GAS6: variants seen among roughly 807,000 people sequenced by gnomAD.
GAS6 encodes growth arrest specific 6.
In GAS6, 41 loss-of-function variants were observed where a neutral mutation model predicts 75.8. The ratio of observed to expected loss-of-function variants is 0.54; its 90% confidence interval spans 0.42 to 0.70. The LOEUF is 0.70. Ranked by LOEUF, GAS6 falls within the 30% of genes least tolerant of loss-of-function variation. The pLI, the probability that GAS6 is intolerant of heterozygous loss-of-function variation, is 0.00. For synonymous variants in GAS6, 432 were observed against 412.6 expected (o/e 1.05, Z -0.57); for missense variants, 854 against 940.2 (o/e 0.91, Z 1.20).
intron 12 of GAS6, among the ~76,000 whole-genome samples, chr13:113,825,606 A>C (rs1029723634): frequency 6.6e-6 from 1 of 152,216 alleles, no homozygotes; most frequent in Non-Finnish European, 1.5e-5. Flanking sequence ...TGCCTGCATA[A>C]GGTTACCCCT....
At chr13:113,859,844 C>T (rs1469354466) in intron 2 of GAS6, among the ~76,000 whole-genome samples, 3 of 152,116 alleles carry the variant, frequency 2.0e-5, no homozygotes, top group Non-Finnish European at 4.4e-5. Context: ...CCACCAGGCG[C>T]CCCCACATTG....
At chr13:113,857,100 G>A (rs1458836379) in intron 2 of GAS6, among the ~76,000 whole-genome samples, 1 of 152,146 alleles carries the variant, frequency 6.6e-6, no homozygotes, top group Non-Finnish European at 1.5e-5. Flanking sequence ...GCAGGTTTGT[G>A]GACAGATGTG....
chr13:113,858,020 C>T (rs1411728447), intron 2 of GAS6, among the ~76,000 whole-genome samples: 3 of 152,256 alleles, frequency 2.0e-5, no homozygotes, highest in African/African-American at 4.8e-5. Flanking sequence ...GGAGGAAAGG[C>T]CTTGGCCACA....
chr13:113,834,387 C>G (rs1443776372), intron 8 of GAS6, among the ~76,000 whole-genome samples, 164 bp downstream of exon 8: 1 of 152,244 alleles, frequency 6.6e-6, no homozygotes, highest in Non-Finnish European at 1.5e-5. Context: ...AAACATCTTC[C>G]AGGGAACAGA....
rs954002222 is a variant in GAS6 at position 113,845,787 on chromosome 13, G to T, written c.343+740C>A. ...CCTGAAATGACTGATGTCATTTCTCGCCTGTTACATTGGAAGAGATCAAAA... is the reference window on the plus strand; with the variant it reads ...CCTGAAATGACTGATGTCATTTCTCTCCTGTTACATTGGAAGAGATCAAAA... On this transcript the variant is annotated intron_variant, in intron 4 of 14. Transcript: ENST00000327773. The surrounding 1 kb of genome is among the most constrained non-coding windows in gnomAD (Gnocchi z 4.3). 6.6e-6 allele frequency: 1 copy of T among 150,458 alleles called. No homozygotes were observed. Among genetic ancestry groups the T allele is most frequent in the Non-Finnish European group, 1.5e-5 (1 of 67,742 alleles). The allele number at this position is 150,458 out of a possible 1,614,324, so 9.3% of individuals were successfully genotyped here. A position where few individuals can be genotyped will look rare whatever the true frequency, so the allele number is the denominator to read the frequency against.
Position 113,837,712 on chromosome 13 carries a change from G to A in GAS6, c.589+357C>T, listed in dbSNP as rs908711093. Reference sequence around the variant, plus strand: ...GATGCTGGGGAGAGTGGACGGCGGGGGGACCCTAGCCTGGAGCCCTGACCC... The same window carrying A: ...GATGCTGGGGAGAGTGGACGGCGGGAGGACCCTAGCCTGGAGCCCTGACCC... On this transcript the variant is annotated intron_variant, in intron 6 of 14. Transcript: ENST00000327773. This position sits in a 1 kb window ranked among gnomAD's most constrained non-coding sequence, Gnocchi z 5.1. 6.6e-6 allele frequency among the ~76,000 whole-genome samples: 1 copy of A among 152,100 alleles called. No individual in the cohort carries two copies. Among genetic ancestry groups the A allele is most frequent in the Non-Finnish European group, 1.5e-5 (1 of 67,998 alleles).
chr13:113,832,425 G>A lies in GAS6; in HGVS notation c.1017C>T (p.Gly339=). ...DPEGILLFAG[G]HQDSTWIVLA... Reference sequence around the variant, plus strand: ...GCACGATCCAGGTGCTGTCCTGGTGGCCTCCGGCAAAGAGGAGGATGCCCT... The same window carrying A: ...GCACGATCCAGGTGCTGTCCTGGTGACCTCCGGCAAAGAGGAGGATGCCCT... The change falls in exon 10 of 15, where the codon GGC becomes GGT. Residue 339 remains glycine, a synonymous_variant. Transcript: ENST00000327773. 2 of 1,610,190 alleles carry A rather than the reference G, an allele frequency of 1.2e-6. No homozygotes were observed. The highest frequency in any genetic ancestry group is 1.7e-6 in the Non-Finnish European group (2 of 1,178,030).
At chr13:113,853,526 T>C (rs1368580614) in intron 2 of GAS6, among the ~76,000 whole-genome samples, 2 of 152,238 alleles carry the variant, frequency 1.3e-5, no homozygotes, top group African/African-American at 2.4e-5. Flanking sequence ...GTGCTAAGAA[T>C]GTATTACTCT....
chr13:113,839,660 G>C, intron 5 of GAS6, 68 bp downstream of exon 5: 1 of 1,579,780 alleles, frequency 6.3e-7, no homozygotes, highest in Non-Finnish European at 8.6e-7. Context: ...GAGTGGGAGT[G>C]AGGAGCGGGG....
chr13:113,821,143 TCTTCTCTAA>T, intron 14 of GAS6, 125 bp from the exon 15 acceptor site: 1 of 1,010,688 alleles, frequency 9.9e-7, no homozygotes. Flanking sequence ...GGTTTCCCTT[TCTTCTCTAA>T]CTTCTCGGTC....
chr13:113,862,248 G>A (rs997839852), intron 2 of GAS6, among the ~76,000 whole-genome samples: 1 of 152,162 alleles, frequency 6.6e-6, no homozygotes, highest in Admixed American at 6.5e-5. Context: ...AGGGCTGCGC[G>A]GAGCGGGTAC....
At chr13:113,852,220 T>A (rs1386382367) in intron 2 of GAS6, among the ~76,000 whole-genome samples, 1 of 152,236 alleles carries the variant, frequency 6.6e-6, no homozygotes, top group African/African-American at 2.4e-5. Context: ...CTACTGTTAG[T>A]GTTAATTTTA....
chr13:113,834,946 G>A (rs759374945), intron 7 of GAS6, among the ~76,000 whole-genome samples: 20 of 152,246 alleles, frequency 1.3e-4, no homozygotes, highest in Admixed American at 6.5e-4. Flanking sequence ...CCCCGCTGCC[G>A]GGCCGGTGTG....
In GAS6 at chr13:113,848,161, G is replaced by A; in HGVS notation, c.256-111C>T. 8.6e-7 allele frequency: 1 copy of A among 1,165,178 alleles called. No individual in the cohort carries two copies. The highest frequency in any genetic ancestry group is 1.2e-6 in the Non-Finnish European group (1 of 801,768). The allele number at this position is 1,165,178 out of a possible 1,614,324, so 72.2% of individuals were successfully genotyped here. ...GAGGCTGCTCTCGGGGCAGCCAGAG[G>A]GCCGCCCCACCCGGGGAACTGAGGG... On this transcript the variant is annotated intron_variant, in intron 2 of 14. Transcript: ENST00000327773. The surrounding 1 kb of genome is among the most constrained non-coding windows in gnomAD (Gnocchi z 4.8).
At chr13:113,843,774 T>G (rs1013568530) in intron 4 of GAS6, 1 of 151,118 alleles carries the variant, frequency 6.6e-6, no homozygotes, top group African/African-American at 2.5e-5. Context: ...GCTGGGGGCC[T>G]GCTTGTCTGG....
chr13:113,862,799 G>A (rs2051982778), intron 2 of GAS6, among the ~76,000 whole-genome samples: 1 of 152,184 alleles, frequency 6.6e-6, no homozygotes, highest in Admixed American at 6.5e-5. Context: ...CCAGCAGAAC[G>A]GAAAACTTCG....
Position 113,822,178 on chromosome 13 carries a change from G to T in GAS6, c.1662C>A (p.Val554=). The change falls in exon 14 of 15, where the codon GTC becomes GTA. Residue 554 remains valine (V), a synonymous_variant. Transcript: ENST00000327773. ...STKKLKKQLV[V]LAVEHTALAL... is the part of the protein sequence containing the mutation. ...CCAAGGCCGTATGCTCCACGGCCAGGACCACCAGCTGCAGGAGACCGAGGT... is the reference window on the plus strand; with the variant it reads ...CCAAGGCCGTATGCTCCACGGCCAGTACCACCAGCTGCAGGAGACCGAGGT... 6.4e-7 allele frequency: 1 copy of T among 1,551,126 alleles called. No homozygotes were observed. Among genetic ancestry groups the T allele is most frequent in the Non-Finnish European group, 8.8e-7 (1 of 1,142,686 alleles).
At chr13:113,821,169 C>G (rs556793171) in intron 14 of GAS6, 151 bp from the exon 15 acceptor site, 2 of 794,558 alleles carry the variant, frequency 2.5e-6, no homozygotes, top group Admixed American at 5.2e-5. Flanking sequence ...GGTCCCCGTT[C>G]GTTTGGCCGC....
chr13:113,860,928 G>A, intron 2 of GAS6, among the ~76,000 whole-genome samples: 1 of 152,016 alleles, frequency 6.6e-6, no homozygotes, highest in East Asian at 1.9e-4. Flanking sequence ...TCACAACCAG[G>A]AAGCAGCCCC....
Sources: allele counts gnomAD v4.1 joint callset (sites outside exome capture counted in the v4.1 genomes callset), GRCh38; gene constraint gnomAD v4.1.1; non-coding constraint Gnocchi (gnomAD v3.1); transcripts MANE v1.5; gene names NCBI Gene and HGNC (gene_info 2026-07-23, HGNC 2026-07-21).